Variants in LRRIQ3 observed in about 807,000 individuals in gnomAD.
LRRIQ3 encodes leucine-rich repeat and IQ domain-containing protein 3.
A neutral mutation model predicts 59.3 loss-of-function variants in LRRIQ3; 75 were observed. The ratio of observed to expected loss-of-function variants is 1.26; its 90% CI spans 1.05 to 1.53. The LOEUF (loss-of-function observed/expected upper bound fraction) is 1.53. LRRIQ3 is among the 40% of genes most tolerant of loss of function. LRRIQ3 has a pLI of 0.00. For missense variants in LRRIQ3, 831 were observed against 710.0 expected (o/e 1.17, Z -1.94); for synonymous variants, 250 against 231.3 (o/e 1.08, Z -0.73).
intron 6 of LRRIQ3, among the ~76,000 whole-genome samples, chr1:74,065,129 A>G (rs552077842): frequency 1.3e-5 from 2 of 152,260 alleles, no homozygotes; most frequent in African/African-American, 2.4e-5. Context: ...ACTGCAGACT[A>G]TCACAAGATA....
chr1:74,111,629 T>C (rs1646696024), intron 4 of LRRIQ3, among the ~76,000 whole-genome samples: 1 of 152,090 alleles, frequency 6.6e-6, no homozygotes, highest in Non-Finnish European at 1.5e-5. Context: ...TTTTAAGTTA[T>C]ATATCTCTGG....
intron 7 of LRRIQ3, among the ~76,000 whole-genome samples, chr1:74,033,197 AT>A (rs1653770119): frequency 6.6e-6 from 1 of 151,998 alleles, no homozygotes; most frequent in African/African-American, 2.4e-5. Context: ...TGGGGCATTG[AT>A]TTCTTCTAGA....
At chr1:74,167,605 G>C (rs1649069988) in intron 3 of LRRIQ3, among the ~76,000 whole-genome samples, 1 of 151,610 alleles carries the variant, frequency 6.6e-6, no homozygotes, top group Admixed American at 6.6e-5. Context: ...GGGGACTTGG[G>C]GAAAGAAGTG....
intron 5 of LRRIQ3, chr1:74,082,452 A>G (rs947177158): frequency 6.6e-6 from 1 of 151,634 alleles, no homozygotes; most frequent in Non-Finnish European, 1.5e-5. Flanking sequence ...AAATTTAATG[A>G]TGGGCAATAA....
intron 4 of LRRIQ3, among the ~76,000 whole-genome samples, chr1:74,136,120 T>G (rs1312199943): frequency 6.6e-6 from 1 of 151,724 alleles, no homozygotes; most frequent in Non-Finnish European, 1.5e-5. Context: ...GCCAACAAAT[T>G]GGAAAATGTA....
chr1:74,114,063 C>A (rs1646742478), intron 4 of LRRIQ3, among the ~76,000 whole-genome samples: 1 of 151,254 alleles, frequency 6.6e-6, no homozygotes, highest in South Asian at 2.1e-4. Flanking sequence ...ATTGTTGGAT[C>A]TATAACATAT....
At chr1:74,028,538 C>G (rs1176798841) in intron 7 of LRRIQ3, among the ~76,000 whole-genome samples, 1 of 151,942 alleles carries the variant, frequency 6.6e-6, no homozygotes, top group Non-Finnish European at 1.5e-5. Context: ...AGAGTTCTGA[C>G]TGGAAATGGT....
intron 5 of LRRIQ3, among the ~76,000 whole-genome samples, chr1:74,085,448 TAAAC>T (rs1253778077): frequency 6.6e-6 from 1 of 151,472 alleles, no homozygotes; most frequent in East Asian, 1.9e-4. Flanking sequence ...AATAAAGACA[TAAAC>T]AAACCTGAAT....
At chr1:74,074,929 G>A (rs907328316) in intron 5 of LRRIQ3, 139 bp from the exon 6 acceptor site, 1 of 377,688 alleles carries the variant, frequency 2.6e-6, no homozygotes, top group Non-Finnish European at 4.6e-6. Flanking sequence ...AGGTAGGCAG[G>A]GTTAAGAAAA....
chr1:74,172,312 AC>A, intron 3 of LRRIQ3, among the ~76,000 whole-genome samples: 1 of 152,158 alleles, frequency 6.6e-6, no homozygotes, highest in South Asian at 2.1e-4. Context: ...GTTCATTTTC[AC>A]TTGTATCAGT....
At chr1:74,168,998 C>A (rs1421293735) in intron 3 of LRRIQ3, among the ~76,000 whole-genome samples, 1 of 152,120 alleles carries the variant, frequency 6.6e-6, no homozygotes, top group Middle Eastern at 3.2e-3. Flanking sequence ...AAGCTTTAGG[C>A]TCTATGTTGT....
intron 4 of LRRIQ3, among the ~76,000 whole-genome samples, chr1:74,127,045 A>G (rs1646945426): frequency 6.6e-6 from 1 of 151,866 alleles, no homozygotes; most frequent in Non-Finnish European, 1.5e-5. Context: ...TGTTGGGTGC[A>G]TATATATTTA....
chr1:74,035,293 A>G lies in LRRIQ3; in HGVS notation c.1718+5920T>C, dbSNP rs548297087. ...TATAGACATAGAAGTAGACATAGACATAGACATAGATATAATATATAGATA... is the reference window on the plus strand; with the variant it reads ...TATAGACATAGAAGTAGACATAGACGTAGACATAGATATAATATATAGATA... On this transcript the variant is annotated intron_variant, in intron 7 of 7. Transcript: ENST00000354431. Among the ~76,000 whole-genome samples the G allele has an allele frequency of 7.2e-5, 11 of 152,244 alleles. 1 individual carries two copies. In the South Asian group the frequency reaches 2.1e-3, roughly 29 times the overall value.
chr1:74,176,354 G>A (rs1649638387), intron 3 of LRRIQ3, among the ~76,000 whole-genome samples: 1 of 152,018 alleles, frequency 6.6e-6, no homozygotes, highest in Non-Finnish European at 1.5e-5. Flanking sequence ...TCACCTATAG[G>A]TAAAGTGTTG....
At chr1:74,168,103 T>C (rs1256734081) in intron 3 of LRRIQ3, among the ~76,000 whole-genome samples, 3 of 152,072 alleles carry the variant, frequency 2.0e-5, no homozygotes, top group African/African-American at 7.2e-5. Context: ...ATACTATTGG[T>C]TAATAGGGTG....
chr1:74,066,794 C>T (rs1473293146), intron 6 of LRRIQ3, among the ~76,000 whole-genome samples: 1 of 151,956 alleles, frequency 6.6e-6, no homozygotes, highest in Non-Finnish European at 1.5e-5. Flanking sequence ...GTTAACAAAA[C>T]AAAAGTTGAT....
intron 6 of LRRIQ3, among the ~76,000 whole-genome samples, chr1:74,072,166 T>A (rs1655045322): frequency 6.6e-6 from 1 of 152,098 alleles, no homozygotes; most frequent in Admixed American, 6.6e-5. Context: ...TGGTAATAGG[T>A]GATATGAATA....
chr1:74,161,188 T>C (rs1648638404), intron 3 of LRRIQ3, among the ~76,000 whole-genome samples: 1 of 151,928 alleles, frequency 6.6e-6, no homozygotes, highest in Non-Finnish European at 1.5e-5. Flanking sequence ...CTCTGGGGCC[T>C]CTTTACAAAG....
intron 4 of LRRIQ3, among the ~76,000 whole-genome samples, chr1:74,115,524 A>G (rs1470162716): frequency 6.6e-6 from 1 of 152,056 alleles, no homozygotes; most frequent in Non-Finnish European, 1.5e-5. Flanking sequence ...ATAACTCAAG[A>G]GTTCAAAATA....
Sources: allele counts gnomAD v4.1 joint callset (sites outside exome capture counted in the v4.1 genomes callset), GRCh38; gene constraint gnomAD v4.1.1; transcripts MANE v1.5; gene names NCBI Gene and HGNC (gene_info 2026-07-23, HGNC 2026-07-21).